Variants in SNX22 observed in about 807,000 individuals in gnomAD.
SNX22 encodes the protein sorting nexin-22.
Under a neutral mutation model 24.7 loss-of-function variants are expected in SNX22, and 23 were observed. The observed-to-expected ratio is 0.93, with a 90% CI of 0.67 to 1.32. The LOEUF is 1.32. Ranked by LOEUF, SNX22 falls within the 40% of genes most tolerant of loss-of-function variation. The probability of loss-of-function intolerance (pLI) is 0.00; values close to 1 mark genes in which losing one functional copy is unlikely to be tolerated. For synonymous variants in SNX22, 99 were observed against 104.0 expected, an observed-to-expected ratio of 0.95 and a Z score of 0.29; for missense variants, 261 against 249.9, an observed-to-expected ratio of 1.04 and a Z score of -0.30.
chr15:64,153,750 G>T, intron 5 of SNX22, 66 bp downstream of exon 5: 1 of 1,610,544 alleles, frequency 6.2e-7, no homozygotes, highest in Non-Finnish European at 8.5e-7. Context: ...CTAGGAGGCA[G>T]GCCTGCTGCC....
chr15:64,156,031 T>C lies in SNX22; in HGVS notation c.*1523T>C, dbSNP rs1221711291. 4 of 1,614,050 alleles carry C rather than the reference T, an allele frequency of 2.5e-6. No homozygotes were observed. Among genetic ancestry groups the C allele is most frequent in the Non-Finnish European group, 2.5e-6 (3 of 1,180,030 alleles). On this transcript the variant is annotated 3_prime_UTR_variant, in exon 7 of 7. Coordinates refer to ENST00000325881, the MANE Select transcript of SNX22 (RefSeq NM_024798.3). The surrounding 1 kb of genome is among the most constrained non-coding windows in gnomAD (Gnocchi z 6.4). ...AAAGATGTCCCTGTGCCCTACTCCT[T>C]GGCGATGGCAAAGGGCTTCTCCACC...
In SNX22 at chr15:64,156,613, G is replaced by C; in HGVS notation, c.*2105G>C. The C allele has an allele frequency of 7.7e-7, 1 of 1,295,908 alleles. No homozygotes were observed. The highest frequency in any genetic ancestry group is 1.1e-6 in the Non-Finnish European group (1 of 891,076). The allele number at this position is 1,295,908 out of a possible 1,614,324, so 80.3% of individuals were successfully genotyped here. A position where few individuals can be genotyped will look rare whatever the true frequency, so the allele number is the denominator to read the frequency against. On this transcript the variant is annotated 3_prime_UTR_variant, in exon 7 of 7. Coordinates refer to ENST00000325881, the MANE Select transcript of SNX22 (RefSeq NM_024798.3). The surrounding 1 kb of genome is among the most constrained non-coding windows in gnomAD (Gnocchi z 6.4). ...TGGACAGGAGCACTGGGCTGCATCTGTGGGTTGGGTCCTTTTGGGAAAGGG... is the reference window on the plus strand; with the variant it reads ...TGGACAGGAGCACTGGGCTGCATCTCTGGGTTGGGTCCTTTTGGGAAAGGG...
At chr15:64,153,511 C>G in intron 4 of SNX22, 141 bp from the exon 5 acceptor site, 2 of 1,491,396 alleles carry the variant, frequency 1.3e-6, no homozygotes, top group East Asian at 4.6e-5. Context: ...TGGTTACCCC[C>G]GCCACCTCCG....
chr15:64,153,078 G>A lies in SNX22; in HGVS notation c.265-167G>A. On this transcript the variant is annotated intron_variant, in intron 3 of 6. Transcript: ENST00000325881. The stretch of plus-strand genomic sequence containing the variant: ...TATGCCGCGTCATGGGGTACAACCT[G>A]TGCACACAGCGCCCAGCGCCCAGAA... 8 of 787,698 alleles carry A rather than the reference G, an allele frequency of 1.0e-5. 1 individual carries two copies. The South Asian group carries it at 1.4e-4, about 14-fold the overall frequency. The allele number at this position is 787,698 out of a possible 1,614,324, so 48.8% of individuals were successfully genotyped here.
At chr15:64,151,963 C>A in intron 1 of SNX22, 113 bp downstream of exon 1, 1 of 1,085,850 alleles carries the variant, frequency 9.2e-7, no homozygotes, top group Non-Finnish European at 1.3e-6. Context: ...GCGGGCTGGA[C>A]CGTCGGGGGA....
chr15:64,156,357 T>A lies in SNX22; in HGVS notation c.*1849T>A, dbSNP rs2081531377. ...GTACAGGAATTTTGTTCCTTTGAAG[T>A]AAGACCCAGGTTGGGCCAAGGGTGA... is the stretch of plus-strand genomic sequence containing the variant. On this transcript the variant is annotated 3_prime_UTR_variant, in exon 7 of 7. Coordinates refer to ENST00000325881, the MANE Select transcript of SNX22 (RefSeq NM_024798.3). The surrounding 1 kb of genome is among the most constrained non-coding windows in gnomAD (Gnocchi z 6.4). The A allele has an allele frequency of 5.6e-6, 4 of 715,204 alleles. No individual in the cohort carries two copies. The highest frequency in any genetic ancestry group is 9.5e-6 in the Non-Finnish European group (4 of 419,630). The allele number at this position is 715,204 out of a possible 1,614,324, so 44.3% of individuals were successfully genotyped here. A position where few individuals can be genotyped will look rare whatever the true frequency, so the allele number is the denominator to read the frequency against.
intron 3 of SNX22, chr15:64,152,964 A>G: frequency 1.6e-6 from 1 of 608,096 alleles, no homozygotes; most frequent in Admixed American, 3.0e-5. Flanking sequence ...CAGCTCCATG[A>G]AACCCAGGTC....
At chr15:64,151,905 G>A in intron 1 of SNX22, 55 bp downstream of exon 1, 1 of 1,475,136 alleles carries the variant, frequency 6.8e-7, no homozygotes, top group South Asian at 1.3e-5. Flanking sequence ...ATTTCCCCGC[G>A]CTGCGCTCAG....
intron 4 of SNX22, 35 bp from the exon 5 acceptor site, chr15:64,153,617 C>T: frequency 1.2e-6 from 2 of 1,613,954 alleles, no homozygotes; most frequent in Non-Finnish European, 1.7e-6. Context: ...CCCCCGGCAT[C>T]CCCAGGCAGC....
Position 64,151,863 on chromosome 15 carries a change from C to T in SNX22, c.75+13C>T. 6.5e-7 allele frequency: 1 copy of T among 1,529,966 alleles called. No homozygotes were observed. 94.8% of individuals were successfully genotyped at this position (1,529,966 alleles called of 1,614,324 possible). A position where few individuals can be genotyped will look rare whatever the true frequency, so the allele number is the denominator to read the frequency against. ...GAAAAGCCACATGGTGAGCGCGGCC[C>T]CTGGATGGGGAGGGGCGCCGGGACC... On this transcript the variant is annotated intron_variant, in intron 1 of 6. Coordinates refer to ENST00000325881, the MANE Select transcript of SNX22 (RefSeq NM_024798.3).
At chr15:64,153,789 CTG>C (rs1156333728) in intron 5 of SNX22, 105 bp downstream of exon 5, 34 of 1,598,980 alleles carry the variant, frequency 2.1e-5, no homozygotes, top group Non-Finnish European at 2.7e-5. Context: ...GCCCTGAAGT[CTG>C]TTTTCCCTTT....
Position 64,156,316 on chromosome 15 carries a change from C to G in SNX22, c.*1808C>G. On this transcript the variant is annotated 3_prime_UTR_variant, in exon 7 of 7. Transcript: ENST00000325881. The surrounding 1 kb of genome is among the most constrained non-coding windows in gnomAD (Gnocchi z 6.4). ...ACTCCTGGCCAGAGCAGGGAGAATGCAGATTTGACGAGGGGGTACAGGAAT... is the reference window on the plus strand; with the variant it reads ...ACTCCTGGCCAGAGCAGGGAGAATGGAGATTTGACGAGGGGGTACAGGAAT... 1 of 895,762 alleles carries G rather than the reference C, an allele frequency of 1.1e-6. No individual in the cohort carries two copies. The highest frequency in any genetic ancestry group is 1.8e-6 in the Non-Finnish European group (1 of 567,454). 55.5% of individuals were successfully genotyped at this position (895,762 alleles called of 1,614,324 possible). A position where few individuals can be genotyped will look rare whatever the true frequency, so the allele number is the denominator to read the frequency against.
rs1209686849 is a variant in SNX22 at position 64,156,221 on chromosome 15, T to C, written c.*1713T>C. On this transcript the variant is annotated 3_prime_UTR_variant, in exon 7 of 7. Coordinates refer to ENST00000325881, the MANE Select transcript of SNX22 (RefSeq NM_024798.3). This position sits in a 1 kb window ranked among gnomAD's most constrained non-coding sequence, Gnocchi z 6.4. Reference sequence around the variant, plus strand: ...CGCTCAGGAGAAAGGCCCCAGCGTATGGCTCAGGAGGGCTAAGACCCACAA... The same window carrying C: ...CGCTCAGGAGAAAGGCCCCAGCGTACGGCTCAGGAGGGCTAAGACCCACAA... 5 of 1,584,338 alleles carry C rather than the reference T, an allele frequency of 3.2e-6. No homozygotes were observed. In the African/African-American group the frequency reaches 5.4e-5, roughly 17 times the overall value.
In SNX22 at chr15:64,153,955, C is replaced by T. The variant is rs1470849280; in HGVS notation, c.413C>T (p.Pro138Leu). ...CCCAGCTCCCAGCAGCACCAGCGGC[C>T]TGTCCTGAGCTTCCATGTGGATCCC... ...GDSSSQQHQR[P>L]VLSFHVDPYV... Residue 138 changes from proline (P) to leucine (L), a missense_variant, in exon 6 of 7, where the codon CCT (proline) becomes CTT (leucine). Physicochemically the swap from Pro to Leu is moderately conservative, Grantham distance 98. Coordinates refer to ENST00000325881, the MANE Select transcript of SNX22 (RefSeq NM_024798.3). The T allele has an allele frequency of 6.2e-7, 1 of 1,613,532 alleles. No homozygotes were observed. Among genetic ancestry groups the T allele is most frequent in the South Asian group, 1.1e-5 (1 of 91,058 alleles).
rs906341825 is a variant in SNX22 at position 64,155,673 on chromosome 15, T to C, written c.*1165T>C. ...GGGGGCAAAAGCTCCTGCCTGACTT[T>C]TCCTGGGTAGCTCCTGGGTCAAAAT... On this transcript the variant is annotated 3_prime_UTR_variant, in exon 7 of 7. Transcript: ENST00000325881. 9.3e-6 allele frequency: 3 copies of C among 322,432 alleles called. No individual in the cohort carries two copies. The highest frequency in any genetic ancestry group is 2.9e-5 in the South Asian group (1 of 33,900). 20.0% of individuals were successfully genotyped at this position (322,432 alleles called of 1,614,324 possible).
chr15:64,152,358 G>T, intron 2 of SNX22, 32 bp downstream of exon 2: 2 of 1,493,052 alleles, frequency 1.3e-6, no homozygotes, highest in Non-Finnish European at 8.9e-7. Context: ...ACCGGCCCCG[G>T]CCCAGCCTCT....
In SNX22 at chr15:64,155,722, GGCAGGCACCCATTGCCACAGGAGAGTT is replaced by G; in HGVS notation, c.*1222_*1248del. ...ATTTCAGGCAGGATCCCAGGGAAGG[GGCAGGCACCCATTGCCACAGGAGAGTT>G]GCAGGCATGTTGGGATGTAGGCCTA... On this transcript the variant is annotated 3_prime_UTR_variant, in exon 7 of 7. Transcript: ENST00000325881. The G allele has an allele frequency of 2.6e-6, 1 of 379,912 alleles. No homozygotes were observed. Among genetic ancestry groups the G allele is most frequent in the East Asian group, 6.1e-5 (1 of 16,496 alleles). The allele number at this position is 379,912 out of a possible 1,614,324, so 23.5% of individuals were successfully genotyped here. A position where few individuals can be genotyped will look rare whatever the true frequency, so the allele number is the denominator to read the frequency against.
At chr15:64,153,198 C>G (rs368132051) in intron 3 of SNX22, 47 bp from the exon 4 acceptor site, 10 of 1,610,550 alleles carry the variant, frequency 6.2e-6, no homozygotes, top group Non-Finnish European at 8.5e-6. Flanking sequence ...CTGCGCTATG[C>G]AAATTAGTAG....
Position 64,156,335 on chromosome 15 carries a change from C to A in SNX22, c.*1827C>A, listed in dbSNP as rs751182205. 29 of 806,568 alleles carry A rather than the reference C, an allele frequency of 3.6e-5. No individual in the cohort carries two copies. Among genetic ancestry groups the A allele is most frequent in the Non-Finnish European group, 5.6e-5 (28 of 496,102 alleles). The allele number at this position is 806,568 out of a possible 1,614,324, so 50.0% of individuals were successfully genotyped here. A position where few individuals can be genotyped will look rare whatever the true frequency, so the allele number is the denominator to read the frequency against. ...AGAATGCAGATTTGACGAGGGGGTA[C>A]AGGAATTTTGTTCCTTTGAAGTAAG... On this transcript the variant is annotated 3_prime_UTR_variant, in exon 7 of 7. Coordinates refer to ENST00000325881, the MANE Select transcript of SNX22 (RefSeq NM_024798.3). This position sits in a 1 kb window ranked among gnomAD's most constrained non-coding sequence, Gnocchi z 6.4.
Sources: allele counts gnomAD v4.1 joint callset, GRCh38; gene constraint gnomAD v4.1.1; non-coding constraint Gnocchi (gnomAD v3.1); transcripts MANE v1.5; gene names NCBI Gene and HGNC (gene_info 2026-07-23, HGNC 2026-07-21).